Variants in CENPE observed in about 807,000 individuals in gnomAD.
The protein encoded by CENPE is centromere protein E, also known as centromere-associated protein E.
Under a neutral mutation model 336.1 loss-of-function variants are expected in CENPE, and 145 were observed. The ratio of observed to expected loss-of-function variants is 0.43; its 90% CI spans 0.38 to 0.50. CENPE has a LOEUF of 0.50. Among genes scored for constraint, CENPE ranks in the 20% least tolerant of loss-of-function variants. The probability of loss-of-function intolerance (pLI) is 0.00; values close to 1 mark genes in which losing one functional copy is unlikely to be tolerated. For synonymous variants in CENPE, 1,013 were observed against 984.8 expected, an observed-to-expected ratio of 1.03 and a Z score of -0.54; for missense variants, 2,719 against 3,023.3, an observed-to-expected ratio of 0.90 and a Z score of 2.36.
chr4:103,182,290 C>T (rs1273900397), intron 11 of CENPE, among the ~76,000 whole-genome samples: 3 of 152,096 alleles, frequency 2.0e-5, no homozygotes, highest in Non-Finnish European at 4.4e-5. Context: ...AGGGTTTCTC[C>T]ATGTTGGTCA....
intron 42 of CENPE, among the ~76,000 whole-genome samples, chr4:103,127,751 G>A (rs2125884564): frequency 6.6e-6 from 1 of 152,158 alleles, no homozygotes; most frequent in Admixed American, 6.5e-5. Flanking sequence ...GCAAACTCTA[G>A]AGCAACCACT....
chr4:103,145,639 G>C lies in CENPE; in HGVS notation c.4456C>G (p.Leu1486Val), dbSNP rs1300358064. The C allele has an allele frequency of 1.2e-6, 2 of 1,606,258 alleles. No homozygotes were observed. The highest frequency in any genetic ancestry group is 2.7e-5 in the African/African-American group (2 of 74,620). The change falls in exon 31 of 49, where the codon CTG becomes GTG. Residue 1486 changes from leucine to valine, a missense_variant. Physicochemically the swap from Leu to Val is conservative, Grantham distance 32. Coordinates refer to ENST00000265148, the MANE Select transcript of CENPE (RefSeq NM_001813.3). ...EEELKVAHCC[L>V]KEQEETINEL... ...TTAATAGTTTCCTCTTGTTCTTTCA[G>C]GCAACAATGAGCAACTTTAAGTTCC... is the stretch of plus-strand genomic sequence containing the variant.
At chr4:103,118,842 T>C (rs1372673984) in intron 44 of CENPE, among the ~76,000 whole-genome samples, 1 of 152,206 alleles carries the variant, frequency 6.6e-6, no homozygotes, top group Non-Finnish European at 1.5e-5. Flanking sequence ...GTTCTTAAAA[T>C]AGCTTACAGG....
At position 103,174,727 on chromosome 4, in the gene CENPE, C is replaced by G; in HGVS notation, c.1647+9G>C. The G allele has an allele frequency of 6.8e-7, 1 of 1,465,530 alleles. No individual in the cohort carries two copies. Among genetic ancestry groups the G allele is most frequent in the Non-Finnish European group, 9.1e-7 (1 of 1,102,498 alleles). 90.8% of individuals were successfully genotyped at this position (1,465,530 alleles called of 1,614,324 possible). ...TTTTAGTTTAGTTTTACATTTCTGT[C>G]TCTCTTACCTCTTGATCTTTTTTAG... On this transcript the variant is annotated intron_variant, in intron 16 of 48. Coordinates refer to ENST00000265148, the MANE Select transcript of CENPE (RefSeq NM_001813.3).
intron 34 of CENPE, among the ~76,000 whole-genome samples, chr4:103,142,686 T>C (rs1752665431): frequency 6.6e-6 from 1 of 152,180 alleles, no homozygotes; most frequent in Non-Finnish European, 1.5e-5. Context: ...ACCTGTTTGA[T>C]ACATAGTTTC....
At chr4:103,127,303 C>G (rs1751210513) in intron 42 of CENPE, among the ~76,000 whole-genome samples, 1 of 151,994 alleles carries the variant, frequency 6.6e-6, no homozygotes, top group African/African-American at 2.4e-5. Flanking sequence ...AGCTAGAAGA[C>G]AGTGGAGTGA....
chr4:103,119,915 T>A (rs1750460163), intron 44 of CENPE, among the ~76,000 whole-genome samples: 1 of 152,098 alleles, frequency 6.6e-6, no homozygotes, highest in Non-Finnish European at 1.5e-5. Flanking sequence ...AAACAACATG[T>A]ATATCTTAAA....
intron 42 of CENPE, among the ~76,000 whole-genome samples, chr4:103,132,480 A>G (rs1751672019): frequency 1.3e-5 from 2 of 152,086 alleles, no homozygotes; most frequent in Non-Finnish European, 2.9e-5. Flanking sequence ...ACAAGTGGAA[A>G]CTAAATATTA....
chr4:103,189,345 G>A (rs2126042283), intron 8 of CENPE, among the ~76,000 whole-genome samples: 1 of 152,136 alleles, frequency 6.6e-6, no homozygotes, highest in African/African-American at 2.4e-5. Context: ...CAACAAAAGA[G>A]AATTTCAGAC....
chr4:103,151,309 T>C lies in CENPE; in HGVS notation c.3306A>G (p.Ala1102=), dbSNP rs779284435. ...TCTTTATGGCATGGTTCTTTTCTTG[T>C]GCAACTATCTCTTGTTGCTTTTTAA... The part of the protein sequence containing the change: ...DELKKQQEIV[A]QEKNHAIKKE... The change falls in exon 26 of 49, where the codon GCA becomes GCG. Residue 1102 remains alanine, a synonymous_variant. Transcript: ENST00000265148. 2 of 1,607,620 alleles carry C rather than the reference T, an allele frequency of 1.2e-6. No individual in the cohort carries two copies. The highest frequency in any genetic ancestry group is 1.7e-6 in the Non-Finnish European group (2 of 1,178,646).
At chr4:103,113,530 A>C (rs1029087417) in intron 46 of CENPE, among the ~76,000 whole-genome samples, 1 of 140,436 alleles carries the variant, frequency 7.1e-6, no homozygotes, top group Non-Finnish European at 1.5e-5. Flanking sequence ...TATTATATAT[A>C]ATATATAACT....
rs1188994346 is a variant in CENPE, at chr4:103,110,907, G to T, written c.7645C>A (p.His2549Asn). The T allele has an allele frequency of 6.2e-7, 1 of 1,610,954 alleles. No individual in the cohort carries two copies. Among genetic ancestry groups the T allele is most frequent in the Non-Finnish European group, 8.5e-7 (1 of 1,178,352 alleles). Reference sequence around the variant, plus strand: ...GAAATTTCTTTTTCTAGCCTTATATGTTCACTTTTCAAAATAAGAGCTTTT... The same window carrying T: ...GAAATTTCTTTTTCTAGCCTTATATTTTCACTTTTCAAAATAAGAGCTTTT... ...NTKALILKSEHIRLEKEISKL... is the reference protein window; with the variant it reads ...NTKALILKSENIRLEKEISKL... The change falls in exon 47 of 49, where the codon CAT (histidine) becomes AAT (asparagine). Residue 2549 changes from histidine (H) to asparagine (N), a missense_variant. His to Asn is a moderately conservative substitution (Grantham distance 68, BLOSUM62 1). Coordinates refer to ENST00000265148, the MANE Select transcript of CENPE (RefSeq NM_001813.3).
Position 103,145,161 on chromosome 4 carries a change from T to G in CENPE, c.4746A>C (p.Gln1582His). 6.2e-7 allele frequency: 1 copy of G among 1,613,372 alleles called. No homozygotes were observed. Among genetic ancestry groups the G allele is most frequent in the Non-Finnish European group, 8.5e-7 (1 of 1,179,668 alleles). Residue 1582 changes from glutamine to histidine, a missense_variant, in exon 32 of 49, where the codon CAA becomes CAC. Gln to His is a conservative substitution (Grantham distance 24). This residue lies in a region of CENPE where 2,437 missense variants were observed against 2,513.3 expected (regional missense o/e 0.97). Coordinates refer to ENST00000265148, the MANE Select transcript of CENPE (RefSeq NM_001813.3). ...CCTTAATCATAATTTGTATTTCTTC[T>G]TGACTTTCTTGAAGTCTGTTGGTCA... ...LELTNRLQES[Q>H]EEIQIMIKEK...
At chr4:103,133,576 C>A in intron 41 of CENPE, 119 bp downstream of exon 41, 1 of 715,212 alleles carries the variant, frequency 1.4e-6, no homozygotes, top group Non-Finnish European at 2.3e-6. Context: ...CCAGGTATCA[C>A]TCTGCAACGT....
chr4:103,150,592 A>G (rs968510751), intron 26 of CENPE, among the ~76,000 whole-genome samples: 1 of 152,128 alleles, frequency 6.6e-6, no homozygotes, highest in African/African-American at 2.4e-5. Flanking sequence ...CTCAAAAAAA[A>G]AAGGAGGAAA....
intron 13 of CENPE, among the ~76,000 whole-genome samples, chr4:103,177,426 T>C (rs1054773483): frequency 6.6e-6 from 1 of 152,000 alleles, no homozygotes; most frequent in Non-Finnish European, 1.5e-5. Context: ...GCCACCATTC[T>C]TCTCTTGACT....
chr4:103,110,198 T>G (rs1018483588), intron 47 of CENPE, among the ~76,000 whole-genome samples: 1 of 152,210 alleles, frequency 6.6e-6, no homozygotes, highest in Non-Finnish European at 1.5e-5. Flanking sequence ...AGTAGAAAGA[T>G]AAGTGCAATA....
At chr4:103,142,072 A>G (rs1282345240) in intron 34 of CENPE, among the ~76,000 whole-genome samples, 164 bp from the exon 35 acceptor site, 1 of 151,758 alleles carries the variant, frequency 6.6e-6, no homozygotes, top group African/African-American at 2.4e-5. Flanking sequence ...CTCTCTTCAC[A>G]CTCTACTTCT....
At chr4:103,180,494 G>C in intron 12 of CENPE, 25 bp from the exon 13 acceptor site, 1 of 1,528,540 alleles carries the variant, frequency 6.5e-7, no homozygotes, top group Non-Finnish European at 8.8e-7. Context: ...ATTGGATTAT[G>C]TTAATAATAA....
Sources: gnomAD v4.1 joint callset for allele counts (sites outside exome capture counted in the v4.1 genomes callset) on GRCh38, gnomAD v4.1.1 for gene constraint, gnomAD v4.1.1 regional missense constraint, MANE v1.5 for transcripts, NCBI Gene and HGNC (gene_info 2026-07-23, HGNC 2026-07-21) for gene names.